Variants in ITSN1 observed in about 807,000 individuals in gnomAD.
The protein encoded by ITSN1 is intersectin-1.
A neutral mutation model predicts 239.8 loss-of-function variants in ITSN1; 58 were observed. That is an observed-to-expected ratio of 0.24 (90% confidence interval 0.20 to 0.30). The LOEUF (loss-of-function observed/expected upper bound fraction) is 0.30, where lower values mean the gene tolerates loss of function less well. ITSN1 is among the 10% of genes least tolerant of loss of function. The pLI is 1.00. For missense variants in ITSN1, 1,558 were observed against 2,103.3 expected, an observed-to-expected ratio of 0.74 and a Z score of 5.07; for synonymous variants, 780 against 770.8, an observed-to-expected ratio of 1.01 and a Z score of -0.20.
intron 29 of ITSN1, among the ~76,000 whole-genome samples, chr21:33,852,339 A>G (rs1978478098): frequency 6.6e-6 from 1 of 152,104 alleles, no homozygotes; most frequent in Non-Finnish European, 1.5e-5. Context: ...TCTGCTTCTC[A>G]TTGGGAAAGG....
intron 1 of ITSN1, among the ~76,000 whole-genome samples, chr21:33,677,077 G>A (rs561371320): frequency 9.5e-4 from 144 of 152,018 alleles, no homozygotes; most frequent in African/African-American, 3.4e-3. Flanking sequence ...AATGGGTGCA[G>A]CACACCAACA....
chr21:33,682,389 A>G (rs1362788706), intron 1 of ITSN1, among the ~76,000 whole-genome samples: 1 of 151,514 alleles, frequency 6.6e-6, no homozygotes, highest in African/African-American at 2.4e-5. Flanking sequence ...CTAATTTTGT[A>G]TTTTTGGTAG....
rs750566466 is a variant in ITSN1 at position 33,781,546 on chromosome 21, A to C, written c.1682A>C (p.His561Pro). 6 of 1,498,498 alleles carry C rather than the reference A, an allele frequency of 4.0e-6. No homozygotes were observed. In the South Asian group the frequency reaches 7.5e-5, roughly 19 times the overall value. The allele number at this position is 1,498,498 out of a possible 1,614,324, so 92.8% of individuals were successfully genotyped here. The change falls in exon 15 of 40, where the codon CAC (histidine) becomes CCC (proline). Residue 561 changes from histidine to proline, a missense_variant and splice_region_variant. Around this residue, in one of 2 missense-constraint regions of ITSN1, gnomAD observed 982 missense variants for 1,209.9 expected, o/e 0.81. Transcript: ENST00000381318. ...AAACAAGTTCAGCAGAACAGTTTGCACAGTAGGTGTTTTATTTTTAAAGTT... is the reference window on the plus strand; with the variant it reads ...AAACAAGTTCAGCAGAACAGTTTGCCCAGTAGGTGTTTTATTTTTAAAGTT... ...QLKQVQQNSL[H>P]RDSLVTLKRA...
chr21:33,763,229 CAAAAA>C (rs71322243), intron 9 of ITSN1, among the ~76,000 whole-genome samples: 1 of 69,834 alleles, frequency 1.4e-5, no homozygotes, highest in East Asian at 4.9e-4. Flanking sequence ...GCCCCCCAAC[CAAAAA>C]AAAAAAAAAA....
chr21:33,686,025 T>G (rs1890684263), intron 1 of ITSN1, among the ~76,000 whole-genome samples: 1 of 152,198 alleles, frequency 6.6e-6, no homozygotes, highest in Admixed American at 6.5e-5. Flanking sequence ...AACTGTGGGG[T>G]TCACATTTAT....
At chr21:33,644,586 G>A (rs934470772) in intron 1 of ITSN1, among the ~76,000 whole-genome samples, 2 of 151,774 alleles carry the variant, frequency 1.3e-5, no homozygotes, top group African/African-American at 4.8e-5. Context: ...CAGATACTAA[G>A]CATTGTGAAA....
intron 19 of ITSN1, 76 bp from the exon 20 acceptor site, chr21:33,802,354 G>A: frequency 1.4e-6 from 2 of 1,432,404 alleles, no homozygotes; most frequent in Non-Finnish European, 2.0e-6. Flanking sequence ...GTAGAGTTTA[G>A]ATATGCTGTA....
chr21:33,685,616 TAA>T (rs933917476), intron 1 of ITSN1, among the ~76,000 whole-genome samples: 172 of 109,228 alleles, frequency 1.6e-3, no homozygotes, highest in Middle Eastern at 4.7e-3. Flanking sequence ...CCTTTTTGAG[TAA>T]AAAAAAAAAA....
intron 31 of ITSN1, 131 bp downstream of exon 31, chr21:33,858,923 T>C (rs1004137218): frequency 3.2e-5 from 17 of 530,386 alleles, no homozygotes; most frequent in African/African-American, 3.1e-4. Context: ...TTTCTTCTCA[T>C]TGCCACTCAC....
intron 21 of ITSN1, among the ~76,000 whole-genome samples, chr21:33,812,704 G>T (rs1361073676): frequency 6.6e-6 from 1 of 152,070 alleles, no homozygotes; most frequent in Non-Finnish European, 1.5e-5. Context: ...TCACTATGTT[G>T]CCCAGGCTGA....
chr21:33,736,268 T>G (rs1302674252), intron 5 of ITSN1, among the ~76,000 whole-genome samples: 1 of 152,158 alleles, frequency 6.6e-6, no homozygotes, highest in African/African-American at 2.4e-5. Flanking sequence ...TGAAATAGAT[T>G]TCGGAGGGGG....
chr21:33,718,996 T>C, intron 2 of ITSN1, 140 bp downstream of exon 2: 1 of 690,094 alleles, frequency 1.4e-6, no homozygotes, highest in Non-Finnish European at 2.5e-6. Context: ...GTTTCATTAA[T>C]TATCAACTCA....
chr21:33,671,671 G>A (rs888014218), intron 1 of ITSN1, among the ~76,000 whole-genome samples: 11 of 151,644 alleles, frequency 7.3e-5, no homozygotes, highest in African/African-American at 1.2e-4. Context: ...GCATGGTGGC[G>A]CACGCCTGTA....
At position 33,735,129 on chromosome 21, in the gene ITSN1, G is replaced by A; in HGVS notation, c.271G>A (p.Gly91Arg). The A allele has an allele frequency of 6.2e-7, 1 of 1,613,912 alleles. No individual in the cohort carries two copies. The highest frequency in any genetic ancestry group is 2.2e-5 in the East Asian group (1 of 44,872). Residue 91 changes from glycine to arginine, a missense_variant, in exon 5 of 40, where the codon GGA (glycine) becomes AGA (arginine). Gly to Arg is a moderately radical substitution (Grantham distance 125). Around this residue, in one of 2 missense-constraint regions of ITSN1, gnomAD observed 982 missense variants for 1,209.9 expected, o/e 0.81. Coordinates refer to ENST00000381318, the MANE Select transcript of ITSN1 (RefSeq NM_003024.3). ...AMKLIKLKLQGYQLPSALPPV... is the reference protein window; with the variant it reads ...AMKLIKLKLQRYQLPSALPPV... ...GAAACTTATCAAACTGAAGCTACAAGGATATCAGCTACCCTCTGCACTTCC... is the reference window on the plus strand; with the variant it reads ...GAAACTTATCAAACTGAAGCTACAAAGATATCAGCTACCCTCTGCACTTCC...
chr21:33,878,173 G>C (rs1011108502), intron 34 of ITSN1, among the ~76,000 whole-genome samples: 6 of 151,984 alleles, frequency 3.9e-5, no homozygotes, highest in African/African-American at 1.4e-4. Context: ...TGGGACTACA[G>C]GCATTGGCCA....
intron 4 of ITSN1, among the ~76,000 whole-genome samples, chr21:33,723,074 A>G (rs1451643811): frequency 6.6e-6 from 1 of 152,260 alleles, no homozygotes; most frequent in Admixed American, 6.5e-5. Flanking sequence ...TGGTAAATCC[A>G]TAACATTAAT....
At chr21:33,778,767 A>C (rs1186902076) in intron 14 of ITSN1, among the ~76,000 whole-genome samples, 6 of 142,030 alleles carry the variant, frequency 4.2e-5, no homozygotes, top group Non-Finnish European at 3.0e-5. Context: ...TTTAGTAGAG[A>C]CGGGGTTTCA....
intron 34 of ITSN1, among the ~76,000 whole-genome samples, chr21:33,878,848 CAA>C (rs1363332037): frequency 6.6e-6 from 1 of 152,190 alleles, no homozygotes; most frequent in Non-Finnish European, 1.5e-5. Context: ...GACATAAAAA[CAA>C]ATAAGATGTG....
intron 1 of ITSN1, among the ~76,000 whole-genome samples, chr21:33,655,024 T>G (rs1479846882): frequency 6.6e-6 from 1 of 152,204 alleles, no homozygotes; most frequent in Non-Finnish European, 1.5e-5. Context: ...CTCTTTTTTT[T>G]TTTCACTATG....
Sources: gnomAD v4.1 joint callset for allele counts (sites outside exome capture counted in the v4.1 genomes callset) on GRCh38, gnomAD v4.1.1 for gene constraint, gnomAD v4.1.1 regional missense constraint, MANE v1.5 for transcripts, NCBI Gene and HGNC (gene_info 2026-07-23, HGNC 2026-07-21) for gene names.